The following EIF4E3 variants were observed in gnomAD, a reference collection of about 807,000 sequenced individuals.
EIF4E3 encodes eukaryotic translation initiation factor 4E family member 3, also known as eukaryotic translation initiation factor 4E type 3.
In EIF4E3, 26 loss-of-function variants were observed where a neutral mutation model predicts 31.7. That is an observed-to-expected ratio of 0.82 (90% confidence interval 0.60 to 1.14). The LOEUF (loss-of-function observed/expected upper bound fraction) is 1.14, where lower values mean the gene tolerates loss of function less well. Ranked by LOEUF, EIF4E3 falls within the 50% of genes most tolerant of loss-of-function variation. EIF4E3 has a pLI of 0.00. For missense variants in EIF4E3, 304 were observed against 270.9 expected (o/e 1.12, Z -0.86); for synonymous variants, 128 against 107.7 (o/e 1.19, Z -1.17).
intron 1 of EIF4E3, among the ~76,000 whole-genome samples, chr3:71,721,591 G>A (rs909498328): frequency 6.6e-6 from 1 of 152,112 alleles, no homozygotes. Context: ...TTTCGTAATA[G>A]TGAGTGAGTC....
At chr3:71,685,921 T>C (rs1017129285) in intron 6 of EIF4E3, among the ~76,000 whole-genome samples, 12 of 152,220 alleles carry the variant, frequency 7.9e-5, no homozygotes, top group African/African-American at 2.7e-4. Context: ...AATGGGGTTC[T>C]AGGGAGGCAG....
intron 1 of EIF4E3, among the ~76,000 whole-genome samples, chr3:71,714,044 C>T (rs1216127903): frequency 6.6e-6 from 1 of 151,908 alleles, no homozygotes; most frequent in Non-Finnish European, 1.5e-5. Context: ...AATCCAGGCT[C>T]TACTAAAAAT....
At chr3:71,697,151 G>T (rs1440348130) in intron 3 of EIF4E3, among the ~76,000 whole-genome samples, 1 of 152,158 alleles carries the variant, frequency 6.6e-6, no homozygotes, top group African/African-American at 2.4e-5. Context: ...AAGTAGCTGG[G>T]ATTACAGGCA....
chr3:71,668,661 T>C, the EIF4E3 span, among the ~76,000 whole-genome samples: 6 of 152,300 alleles, frequency 3.9e-5, no homozygotes, highest in Admixed American at 3.3e-4. Context: ...TCATCATTGG[T>C]GATTAGAGAA....
intron 1 of EIF4E3, among the ~76,000 whole-genome samples, chr3:71,713,176 C>A (rs1578362649): frequency 6.6e-6 from 1 of 152,306 alleles, no homozygotes; most frequent in African/African-American, 2.4e-5. Flanking sequence ...TCCCTGCAAT[C>A]CTATTTATGC....
chr3:71,670,365 T>C, the EIF4E3 span, among the ~76,000 whole-genome samples: 6 of 152,110 alleles, frequency 3.9e-5, 1 homozygote, highest in South Asian at 6.2e-4. Context: ...CTTTTGCCCC[T>C]CCTTTTTCCC....
chr3:71,741,807 TA>T (rs1228411315), intron 1 of EIF4E3, among the ~76,000 whole-genome samples: 2 of 152,214 alleles, frequency 1.3e-5, no homozygotes, highest in Non-Finnish European at 2.9e-5. Context: ...ACTCAAGTCA[TA>T]CAAGTATGTT....
intron 2 of EIF4E3, among the ~76,000 whole-genome samples, chr3:71,701,256 G>A (rs367892924): frequency 5.0e-4 from 76 of 152,316 alleles, no homozygotes; most frequent in African/African-American, 1.7e-3. Flanking sequence ...CAAGTGATCT[G>A]GAGCTGTTCT....
chr3:71,666,490 T>C, the EIF4E3 span, among the ~76,000 whole-genome samples: 1 of 152,122 alleles, frequency 6.6e-6, no homozygotes, highest in South Asian at 2.1e-4. Context: ...ACCAGATGGA[T>C]TCACAGCTGA....
At chr3:71,732,451 G>A (rs1164424904) in intron 1 of EIF4E3, among the ~76,000 whole-genome samples, 1 of 151,904 alleles carries the variant, frequency 6.6e-6, no homozygotes, top group African/African-American at 2.4e-5. Flanking sequence ...TTTGTGGCCA[G>A]TCTAAGAGCT....
Position 71,699,556 on chromosome 3 carries a change from T to A in EIF4E3, c.344+58A>T, listed in dbSNP as rs2049185977. On this transcript the variant is annotated intron_variant, in intron 3 of 6. Coordinates refer to ENST00000425534, the MANE Select transcript of EIF4E3 (RefSeq NM_001134651.2). ...ACATCTCAGGTGATATGATCTTTTATGAGGTTCACAAACATTTTCCTCCCA... is the reference window on the plus strand; with the variant it reads ...ACATCTCAGGTGATATGATCTTTTAAGAGGTTCACAAACATTTTCCTCCCA... 4 of 1,432,266 alleles carry A rather than the reference T, an allele frequency of 2.8e-6. No homozygotes were observed. The Admixed American group carries it at 6.7e-5, about 24-fold the overall frequency. 88.7% of individuals were successfully genotyped at this position (1,432,266 alleles called of 1,614,324 possible).
chr3:71,688,699 C>A (rs2108016747), intron 6 of EIF4E3, among the ~76,000 whole-genome samples: 1 of 152,162 alleles, frequency 6.6e-6, no homozygotes, highest in East Asian at 1.9e-4. Flanking sequence ...AGAAAAAACC[C>A]TTGATGACCT....
At chr3:71,692,371 T>C (rs540216346) in intron 5 of EIF4E3, among the ~76,000 whole-genome samples, 4 of 152,260 alleles carry the variant, frequency 2.6e-5, no homozygotes, top group East Asian at 3.9e-4. Context: ...CACAAAACAA[T>C]TGGTCTTCTT....
chr3:71,741,278 T>C (rs1003685111), intron 1 of EIF4E3, among the ~76,000 whole-genome samples: 11 of 152,154 alleles, frequency 7.2e-5, no homozygotes, highest in African/African-American at 2.2e-4. Flanking sequence ...CTTAGCTTGA[T>C]GTTATGAGCA....
rs1189569578 is a variant in EIF4E3 at position 71,682,220 on chromosome 3, C to A, written c.*2462G>T. On this transcript the variant is annotated 3_prime_UTR_variant, in exon 7 of 7. Transcript: ENST00000425534. ...GATTTCCTGGCATATATCACAGACC[C>A]TAAGGAATTACAAAGACAAAAAAGC... The A allele has an allele frequency of 9.9e-5, 15 of 152,176 alleles. No homozygotes were observed. Among genetic ancestry groups the A allele is most frequent in the Admixed American group, 9.8e-4 (15 of 15,282 alleles). 9.4% of individuals were successfully genotyped at this position (152,176 alleles called of 1,614,324 possible). A position where few individuals can be genotyped will look rare whatever the true frequency, so the allele number is the denominator to read the frequency against.
In EIF4E3 at chr3:71,682,505, T is replaced by C. The variant is rs1161885728; in HGVS notation, c.*2177A>G. ...AGCTTAGTTCATACAAAGTCTATTA[T>C]GATTAAATATTCAATTAAAACAATT... On this transcript the variant is annotated 3_prime_UTR_variant, in exon 7 of 7. Transcript: ENST00000425534. 1.3e-5 allele frequency: 2 copies of C among 152,258 alleles called. No homozygotes were observed. Among genetic ancestry groups the C allele is most frequent in the Admixed American group, 6.5e-5 (1 of 15,278 alleles). 9.4% of individuals were successfully genotyped at this position (152,258 alleles called of 1,614,324 possible). A position where few individuals can be genotyped will look rare whatever the true frequency, so the allele number is the denominator to read the frequency against.
At chr3:71,712,604 C>T (rs1029299730) in intron 1 of EIF4E3, among the ~76,000 whole-genome samples, 1 of 101,864 alleles carries the variant, frequency 9.8e-6, no homozygotes, top group Non-Finnish European at 1.7e-5. Flanking sequence ...ATATACAGGG[C>T]TTCTTCCCTA....
intron 1 of EIF4E3, among the ~76,000 whole-genome samples, chr3:71,750,362 G>C (rs2049914397): frequency 1.3e-5 from 2 of 152,182 alleles, no homozygotes; most frequent in African/African-American, 4.8e-5. Flanking sequence ...AAGATTTAAA[G>C]TGGAAGGTAG....
At chr3:71,730,702 T>A (rs1000755449) in intron 1 of EIF4E3, among the ~76,000 whole-genome samples, 2 of 151,926 alleles carry the variant, frequency 1.3e-5, no homozygotes, top group Non-Finnish European at 2.9e-5. Context: ...GTGTTGGTCT[T>A]CCTTCTTTTT....
Sources: gnomAD v4.1 joint callset for allele counts (sites outside exome capture counted in the v4.1 genomes callset) on GRCh38, gnomAD v4.1.1 for gene constraint, MANE v1.5 for transcripts, NCBI Gene and HGNC (gene_info 2026-07-23, HGNC 2026-07-21) for gene names.